The following FAT3 variants were observed in gnomAD, a reference collection of about 807,000 sequenced individuals.
FAT3 encodes the protein FAT atypical cadherin 3, also known as protocadherin Fat 3.
FAT3 carries 95 observed loss-of-function variants against 310.2 expected under a neutral mutation model. The ratio of observed to expected loss-of-function variants is 0.31; its 90% confidence interval spans 0.26 to 0.36. FAT3 has a LOEUF of 0.36. Among genes scored for constraint, FAT3 ranks in the 10% least tolerant of loss-of-function variants. FAT3 has a pLI of 1.00. For missense variants in FAT3, 5,408 were observed against 5,715.6 expected (o/e 0.95, Z 1.74); for synonymous variants, 2,314 against 2,192.9 (o/e 1.06, Z -1.54).
At chr11:92,517,670 G>A (rs748435031) in intron 2 of FAT3, among the ~76,000 whole-genome samples, 5 of 151,938 alleles carry the variant, frequency 3.3e-5, no homozygotes, top group Non-Finnish European at 5.9e-5. Context: ...AGAAACTGTC[G>A]TCAGAGTGAA....
intron 3 of FAT3, among the ~76,000 whole-genome samples, chr11:92,654,785 G>A (rs1415532788): frequency 6.6e-6 from 1 of 152,124 alleles, no homozygotes; most frequent in Non-Finnish European, 1.5e-5. Flanking sequence ...CCACATAGCA[G>A]CTAAAGTAAT....
In FAT3 at chr11:92,499,593, A is replaced by C. The variant is rs539073736; in HGVS notation, c.3293-25041A>C. On this transcript the variant is annotated intron_variant, in intron 2 of 27. Transcript: ENST00000525166. Reference sequence around the variant, plus strand: ...GGTTTTGGGATGCTGATAGCAAAAAAATTTGCAGAGACCCTGACCCTAGCT... The same window carrying C: ...GGTTTTGGGATGCTGATAGCAAAAACATTTGCAGAGACCCTGACCCTAGCT... 3.3e-5 allele frequency among the ~76,000 whole-genome samples: 5 copies of C among 152,094 alleles called. No individual in the cohort carries two copies. The South Asian group carries it at 1.0e-3, about 32-fold the overall frequency.
At chr11:92,581,090 A>G (rs78726622) in intron 3 of FAT3, among the ~76,000 whole-genome samples, 1,970 of 152,036 alleles carry the variant, frequency 0.013, 46 homozygotes, top group African/African-American at 0.034. Context: ...CTGCCCAGGA[A>G]CTGGTTCTTG....
chr11:92,292,852 T>A (rs1017033109), intron 1 of FAT3, among the ~76,000 whole-genome samples: 1 of 152,024 alleles, frequency 6.6e-6, no homozygotes, highest in African/African-American at 2.4e-5. Context: ...CACTTCTGAA[T>A]AAAATAAGCT....
chr11:92,646,411 T>C (rs1456401903), intron 3 of FAT3, among the ~76,000 whole-genome samples: 1 of 152,196 alleles, frequency 6.6e-6, no homozygotes, highest in Non-Finnish European at 1.5e-5. Context: ...ACTTCTACCA[T>C]ATTCTATTGG....
At chr11:92,570,940 C>T (rs1259383696) in intron 3 of FAT3, among the ~76,000 whole-genome samples, 6 of 152,156 alleles carry the variant, frequency 3.9e-5, no homozygotes, top group Non-Finnish European at 7.3e-5. Context: ...CATGTCTCCC[C>T]ATGGAATTGC....
intron 2 of FAT3, among the ~76,000 whole-genome samples, chr11:92,395,025 G>C (rs1186731729): frequency 6.6e-6 from 1 of 152,142 alleles, no homozygotes; most frequent in Non-Finnish European, 1.5e-5. Context: ...TTGAATATTT[G>C]CTGAATGAAT....
intron 3 of FAT3, among the ~76,000 whole-genome samples, chr11:92,610,133 T>A (rs1030931800): frequency 1.3e-5 from 2 of 152,188 alleles, no homozygotes; most frequent in African/African-American, 4.8e-5. Context: ...ACTAGTGCAC[T>A]TGTAAAAGGG....
chr11:92,367,246 GC>G (rs1949049063), intron 2 of FAT3: 1 of 271,206 alleles, frequency 3.7e-6, no homozygotes, highest in Admixed American at 4.0e-5. Flanking sequence ...CTTGTAGGCA[GC>G]CATGGTGGCT....
chr11:92,229,510 T>TTTTTTTC (rs1440088788), intron 1 of FAT3, among the ~76,000 whole-genome samples: 1 of 77,142 alleles, frequency 1.3e-5, no homozygotes, highest in African/African-American at 4.0e-5. Context: ...TTTTTTTGTT[T>TTTTTTTC]TTTGTTTTTT....
At chr11:92,652,655 C>A (rs1942421883) in intron 3 of FAT3, among the ~76,000 whole-genome samples, 1 of 152,158 alleles carries the variant, frequency 6.6e-6, no homozygotes, top group South Asian at 2.1e-4. Flanking sequence ...TCCTCAGAAA[C>A]CGGCGAATGG....
chr11:92,711,910 A>G (rs1254999852), intron 4 of FAT3, among the ~76,000 whole-genome samples: 1 of 152,188 alleles, frequency 6.6e-6, no homozygotes, highest in African/African-American at 2.4e-5. Context: ...GCACCTTTTC[A>G]CAAAAGTACA....
intron 3 of FAT3, among the ~76,000 whole-genome samples, chr11:92,662,633 C>T (rs1942824425): frequency 6.6e-6 from 1 of 152,208 alleles, no homozygotes; most frequent in African/African-American, 2.4e-5. Context: ...CATTTTCCCT[C>T]TTCTTGTGTT....
At chr11:92,505,144 TC>T (rs1291668159) in intron 2 of FAT3, among the ~76,000 whole-genome samples, 1 of 152,006 alleles carries the variant, frequency 6.6e-6, no homozygotes, top group Non-Finnish European at 1.5e-5. Context: ...AGAGGAAAGT[TC>T]CTGGAGGTGG....
rs558290731 is a variant in FAT3, at chr11:92,720,726, A to G, written c.3669+23281A>G. ...AGTTTCTGTAATTTAACTCTTCTTC[A>G]TCTTTTCTAATAGCAATTTGAAGTG... is the stretch of plus-strand genomic sequence containing the variant. On this transcript the variant is annotated intron_variant, in intron 4 of 27. Transcript: ENST00000525166. Among the ~76,000 whole-genome samples, 17 of 152,228 alleles carry G rather than the reference A, an allele frequency of 1.1e-4. No individual in the cohort carries two copies. In the South Asian group the frequency reaches 3.5e-3, roughly 32 times the overall value.
chr11:92,674,623 A>G (rs1050712334), intron 3 of FAT3, among the ~76,000 whole-genome samples: 5 of 152,046 alleles, frequency 3.3e-5, no homozygotes, highest in African/African-American at 1.2e-4. Context: ...CCAGGGCTCA[A>G]GTGATTCTCC....
chr11:92,397,085 G>A (rs1291326370), intron 2 of FAT3, among the ~76,000 whole-genome samples: 1 of 152,116 alleles, frequency 6.6e-6, no homozygotes, highest in Non-Finnish European at 1.5e-5. Flanking sequence ...ATCAATTAAT[G>A]ATAGTACAAT....
At chr11:92,418,433 C>T (rs1438952294) in intron 2 of FAT3, among the ~76,000 whole-genome samples, 1 of 106,690 alleles carries the variant, frequency 9.4e-6, no homozygotes, top group African/African-American at 3.5e-5. Context: ...CCCCCACCCC[C>T]CCACACACAC....
chr11:92,239,858 C>G (rs555935736), intron 1 of FAT3, among the ~76,000 whole-genome samples: 1 of 152,220 alleles, frequency 6.6e-6, no homozygotes, highest in African/African-American at 2.4e-5. Context: ...TTGGACCCAG[C>G]TTTTCTTGCC....
Sources: gnomAD v4.1 joint callset for allele counts (sites outside exome capture counted in the v4.1 genomes callset) on GRCh38, gnomAD v4.1.1 for gene constraint, MANE v1.5 for transcripts, NCBI Gene and HGNC (gene_info 2026-07-23, HGNC 2026-07-21) for gene names.